Variants in ACTC1 observed in about 807,000 individuals in gnomAD.
ACTC1 encodes the protein actin alpha cardiac muscle 1, also known as actin, alpha cardiac muscle 1.
Under a neutral mutation model 31.6 loss-of-function variants are expected in ACTC1, and 10 were observed. That is an observed-to-expected ratio of 0.32 (90% CI 0.19 to 0.54). The LOEUF is 0.54. ACTC1 is among the 20% of genes least tolerant of loss of function. The pLI, the probability that ACTC1 is intolerant of heterozygous loss-of-function variation, is 0.95. For missense variants in ACTC1, 129 were observed against 506.4 expected (o/e 0.25, Z 7.15); for synonymous variants, 196 against 185.0 (o/e 1.06, Z -0.48).
Position 34,794,660 on chromosome 15 carries a change from G to A in ACTC1, c.129+20C>T, listed in dbSNP as rs768737260. On this transcript the variant is annotated intron_variant, in intron 2 of 6. Transcript: ENST00000290378. ...CTGAAGGGGTCCCGAGTGGGACGGG[G>A]GGCTCGGCGGGAAGTTTACCTGGTG... is the stretch of plus-strand genomic sequence containing the variant. The A allele has an allele frequency of 1.2e-6, 2 of 1,608,334 alleles. No homozygotes were observed. Among genetic ancestry groups the A allele is most frequent in the South Asian group, 1.1e-5 (1 of 90,592 alleles).
At chr15:34,794,354 A>G (rs1036277595) in intron 2 of ACTC1, among the ~76,000 whole-genome samples, 9 of 152,214 alleles carry the variant, frequency 5.9e-5, no homozygotes, top group Non-Finnish European at 1.0e-4. Flanking sequence ...AGGACTGAAA[A>G]GAGAGGACAA....
At chr15:34,791,353 A>G in intron 5 of ACTC1, 58 bp from the exon 6 acceptor site, 21 of 1,472,800 alleles carry the variant, frequency 1.4e-5, no homozygotes, top group Non-Finnish European at 1.9e-5. Context: ...ACACACACAC[A>G]TCACAGTGCA....
At position 34,792,745 on chromosome 15, in the gene ACTC1, C is replaced by T. The variant is rs545709913; in HGVS notation, c.455-176G>A. The stretch of plus-strand genomic sequence containing the variant: ...AAAATGCGCATCAGGAATACTAAAT[C>T]TGAAGCAAACTGCAGCTCATCTTTT... On this transcript the variant is annotated intron_variant, in intron 3 of 6. Transcript: ENST00000290378. The surrounding 1 kb of genome is among the most constrained non-coding windows in gnomAD (Gnocchi z 5.3). 18 of 672,804 alleles carry T rather than the reference C, an allele frequency of 2.7e-5. No homozygotes were observed. Among genetic ancestry groups the T allele is most frequent in the Non-Finnish European group, 4.6e-5 (18 of 387,778 alleles). 41.7% of individuals were successfully genotyped at this position (672,804 alleles called of 1,614,324 possible).
In ACTC1 at chr15:34,792,935, C is replaced by T. The variant is rs185420671; in HGVS notation, c.454+310G>A. The stretch of plus-strand genomic sequence containing the variant: ...CAGACCCTGTATGGAATGTATTCTC[C>T]TTGGGGATGCTTGCCCAGGTGATGT... On this transcript the variant is annotated intron_variant, in intron 3 of 6. Coordinates refer to ENST00000290378, the MANE Select transcript of ACTC1 (RefSeq NM_005159.5). This position sits in a 1 kb window ranked among gnomAD's most constrained non-coding sequence, Gnocchi z 5.3. The T allele has an allele frequency of 5.0e-5, 26 of 517,358 alleles. 1 individual carries two copies. The South Asian group carries it at 5.2e-4, about 10-fold the overall frequency. The allele number at this position is 517,358 out of a possible 1,614,324, so 32.0% of individuals were successfully genotyped here.
Position 34,790,490 on chromosome 15 carries a change from G to A in ACTC1, c.1056C>T (p.Ser352=), listed in dbSNP as rs1595759957. 2 of 1,614,134 alleles carry A rather than the reference G, an allele frequency of 1.2e-6. No homozygotes were observed. The highest frequency in any genetic ancestry group is 1.1e-5 in the South Asian group (1 of 91,072). ...TGCTAATCCACATTTGCTGGAAGGT[G>A]GACAGAGAGGCCAGGATGGAGCCCC... ...WIGGSILASL[S]TFQQMWISKQ... is the part of the protein sequence containing the mutation. The change falls in exon 7 of 7, where the codon TCC becomes TCT. Residue 352 remains serine, a synonymous_variant. Transcript: ENST00000290378.
chr15:34,793,150 G>A lies in ACTC1; in HGVS notation c.454+95C>T. 2.3e-6 allele frequency: 3 copies of A among 1,295,926 alleles called. No homozygotes were observed. The highest frequency in any genetic ancestry group is 3.3e-6 in the Non-Finnish European group (3 of 902,282). The allele number at this position is 1,295,926 out of a possible 1,614,324, so 80.3% of individuals were successfully genotyped here. ...CCTTGCTAGGGAATGGGAGGAAAGG[G>A]ATTATCCCTTTTTCAACTGGGGGAT... is the stretch of plus-strand genomic sequence containing the variant. On this transcript the variant is annotated intron_variant, in intron 3 of 6. Transcript: ENST00000290378. The surrounding 1 kb of genome is among the most constrained non-coding windows in gnomAD (Gnocchi z 4.8).
chr15:34,795,214 G>A (rs1208052647), intron 1 of ACTC1, among the ~76,000 whole-genome samples: 2 of 152,092 alleles, frequency 1.3e-5, no homozygotes, highest in East Asian at 1.9e-4. Flanking sequence ...CAGATGGAGG[G>A]GAAAGCGCAC....
chr15:34,791,708 C>G, intron 5 of ACTC1: 1 of 344,838 alleles, frequency 2.9e-6, no homozygotes, highest in Non-Finnish European at 5.4e-6. Flanking sequence ...CATATAAGTG[C>G]CCAGTTATTA....
In ACTC1 at chr15:34,792,685, C is replaced by G; in HGVS notation, c.455-116G>C. 1.8e-6 allele frequency: 2 copies of G among 1,117,080 alleles called. No individual in the cohort carries two copies. Among genetic ancestry groups the G allele is most frequent in the Non-Finnish European group, 2.7e-6 (2 of 745,398 alleles). The allele number at this position is 1,117,080 out of a possible 1,614,324, so 69.2% of individuals were successfully genotyped here. ...AGAGATGCTAGCAATGGGCATTGAT[C>G]CAGATAAAATTAGATTCCTTACACA... On this transcript the variant is annotated intron_variant, in intron 3 of 6. Transcript: ENST00000290378. The surrounding 1 kb of genome is among the most constrained non-coding windows in gnomAD (Gnocchi z 5.3).
At position 34,794,834 on chromosome 15, in the gene ACTC1, C is replaced by A; in HGVS notation, c.-22-4G>T. 1 of 1,608,608 alleles carries A rather than the reference C, an allele frequency of 6.2e-7. No homozygotes were observed. Among genetic ancestry groups the A allele is most frequent in the Non-Finnish European group, 8.5e-7 (1 of 1,176,190 alleles). ...CTTGGCACAGCTTCAGGGGGTTCTGCAGGTTGAGGAGGGGAGGGCGGACCA... is the reference window on the plus strand; with the variant it reads ...CTTGGCACAGCTTCAGGGGGTTCTGAAGGTTGAGGAGGGGAGGGCGGACCA... On this transcript the variant is annotated splice_region_variant and splice_polypyrimidine_tract_variant and intron_variant, in intron 1 of 6. Transcript: ENST00000290378.
chr15:34,795,463 G>T, intron 1 of ACTC1, 43 bp downstream of exon 1: 1 of 152,494 alleles, frequency 6.6e-6, no homozygotes, highest in South Asian at 2.0e-4. Flanking sequence ...GCGGCCCGCG[G>T]ACCAGGCGAG....
At position 34,793,414 on chromosome 15, in the gene ACTC1, C is replaced by T. The variant is rs1211913373; in HGVS notation, c.285G>A (p.Glu95=). The change falls in exon 3 of 7, where the codon GAG becomes GAA. Residue 95 remains glutamate, a synonymous_variant. Coordinates refer to ENST00000290378, the MANE Select transcript of ACTC1 (RefSeq NM_005159.5). This position sits in a 1 kb window ranked among gnomAD's most constrained non-coding sequence, Gnocchi z 4.8. ...EKIWHHTFYN[E]LRVAPEEHPT... is the part of the protein sequence containing the mutation. Reference sequence around the variant, plus strand: ...GGTGCTCCTCGGGAGCCACACGGAGCTCATTGTAGAAGGTGTGGTGCCAGA... The same window carrying T: ...GGTGCTCCTCGGGAGCCACACGGAGTTCATTGTAGAAGGTGTGGTGCCAGA... 1.9e-6 allele frequency: 3 copies of T among 1,614,152 alleles called. No individual in the cohort carries two copies. Among genetic ancestry groups the T allele is most frequent in the Admixed American group, 3.3e-5 (2 of 60,022 alleles).
Position 34,791,305 on chromosome 15 carries a change from AGTC to A in ACTC1, c.809-13_809-11del. 6.3e-7 allele frequency: 1 copy of A among 1,581,674 alleles called. No individual in the cohort carries two copies. The highest frequency in any genetic ancestry group is 1.7e-4 in the Middle Eastern group (1 of 5,930). On this transcript the variant is annotated splice_polypyrimidine_tract_variant and intron_variant, in intron 5 of 6. Transcript: ENST00000290378. ...CCAGCAGATTCCATACCTGGGAACG[AGTC>A]ACACACACACACACACACACACACA...
At position 34,793,094 on chromosome 15, in the gene ACTC1, C is replaced by G. The variant is rs1000593663; in HGVS notation, c.454+151G>C. ...TTGTGCTCCGAAACTAACCTCAGGG[C>G]ACTACTGTTAACTCTTTCTCTTAGC... On this transcript the variant is annotated intron_variant, in intron 3 of 6. Transcript: ENST00000290378. This position sits in a 1 kb window ranked among gnomAD's most constrained non-coding sequence, Gnocchi z 4.8. The G allele has an allele frequency of 3.9e-6, 3 of 764,968 alleles. No homozygotes were observed. The highest frequency in any genetic ancestry group is 2.6e-5 in the Admixed American group (1 of 38,658). The allele number at this position is 764,968 out of a possible 1,614,324, so 47.4% of individuals were successfully genotyped here.
At chr15:34,791,005 A>G (rs1217374597) in intron 6 of ACTC1, 109 bp downstream of exon 6, 16 of 1,067,252 alleles carry the variant, frequency 1.5e-5, no homozygotes, top group Non-Finnish European at 2.1e-5. Flanking sequence ...TAACAGGTAA[A>G]GTTTGTAGGA....
intron 1 of ACTC1, among the ~76,000 whole-genome samples, 161 bp from the exon 2 acceptor site, chr15:34,794,991 A>G (rs1040556185): frequency 5.9e-5 from 9 of 152,150 alleles, no homozygotes; most frequent in Non-Finnish European, 2.9e-5. Flanking sequence ...GAATCATAAA[A>G]GGGAGGGAAG....
rs751751696 is a variant in ACTC1, at chr15:34,793,214, C to T, written c.454+31G>A. 2 of 1,608,770 alleles carry T rather than the reference C, an allele frequency of 1.2e-6. No individual in the cohort carries two copies. Among genetic ancestry groups the T allele is most frequent in the Non-Finnish European group, 1.7e-6 (2 of 1,175,452 alleles). ...AGGTCGGTGACTTGGGAATGTGATTCATCAGTAACTGTCCCCAGAGCCCAG... is the reference window on the plus strand; with the variant it reads ...AGGTCGGTGACTTGGGAATGTGATTTATCAGTAACTGTCCCCAGAGCCCAG... On this transcript the variant is annotated intron_variant, in intron 3 of 6. Coordinates refer to ENST00000290378, the MANE Select transcript of ACTC1 (RefSeq NM_005159.5). This position sits in a 1 kb window ranked among gnomAD's most constrained non-coding sequence, Gnocchi z 4.8.
In ACTC1 at chr15:34,794,665, CGGCGGGAAGTTTACCTGGTGCCGCG is replaced by C. The variant is rs761771468; in HGVS notation, c.119_129+14del. The C allele has an allele frequency of 1.2e-6, 2 of 1,609,500 alleles. No homozygotes were observed. Among genetic ancestry groups the C allele is most frequent in the Admixed American group, 3.3e-5 (2 of 59,780 alleles). On this transcript the variant is annotated splice_donor_variant and splice_donor_5th_base_variant and coding_sequence_variant and intron_variant, in exon 2 of 7. Transcript: ENST00000290378. LOFTEE classifies it high-confidence loss of function. ...GGGGTCCCGAGTGGGACGGGGGGCT[CGGCGGGAAGTTTACCTGGTGCCGCG>C]GGCGGCCCACGATGGACGGGAAGAC... is the stretch of plus-strand genomic sequence containing the variant.
At position 34,793,660 on chromosome 15, in the gene ACTC1, A is replaced by C; in HGVS notation, c.130-91T>G. 8.5e-7 allele frequency: 1 copy of C among 1,181,714 alleles called. No individual in the cohort carries two copies. The highest frequency in any genetic ancestry group is 1.2e-6 in the Non-Finnish European group (1 of 806,716). 73.2% of individuals were successfully genotyped at this position (1,181,714 alleles called of 1,614,324 possible). A position where few individuals can be genotyped will look rare whatever the true frequency, so the allele number is the denominator to read the frequency against. ...CATTTATATCTAACTGCCCAAGTCA[A>C]GGAACATATTTAAATACCAGAAATA... On this transcript the variant is annotated intron_variant, in intron 2 of 6. Transcript: ENST00000290378. This position sits in a 1 kb window ranked among gnomAD's most constrained non-coding sequence, Gnocchi z 4.8.
Sources: gnomAD v4.1 joint callset for allele counts (sites outside exome capture counted in the v4.1 genomes callset) on GRCh38, gnomAD v4.1.1 for gene constraint, Gnocchi (gnomAD v3.1) non-coding constraint, MANE v1.5 for transcripts, NCBI Gene and HGNC (gene_info 2026-07-23, HGNC 2026-07-21) for gene names.